SHANK2: variants seen among roughly 807,000 people sequenced by gnomAD.
SHANK2 encodes SH3 and multiple ankyrin repeat domains protein 2.
SHANK2 carries 43 observed loss-of-function variants against 133.7 expected under a neutral mutation model. That is an observed-to-expected ratio of 0.32 (90% confidence interval 0.25 to 0.41). SHANK2 has a LOEUF of 0.41. Among genes scored for constraint, SHANK2 ranks in the 10% least tolerant of loss-of-function variants. SHANK2 has a pLI of 1.00. For missense variants in SHANK2, 1,994 were observed against 2,235.8 expected (o/e 0.89, Z 2.18); for synonymous variants, 1,017 against 952.8 (o/e 1.07, Z -1.24).
chr11:70,594,449 A>T (rs1247541239), intron 17 of SHANK2, among the ~76,000 whole-genome samples: 5 of 152,204 alleles, frequency 3.3e-5, no homozygotes, highest in Non-Finnish European at 7.3e-5. Context: ...TGGGTTCTGC[A>T]TTCCACGAAT....
chr11:70,726,920 T>A (rs781997824), intron 14 of SHANK2, among the ~76,000 whole-genome samples: 1 of 152,242 alleles, frequency 6.6e-6, no homozygotes, highest in African/African-American at 2.4e-5. Context: ...GAGACCCAGA[T>A]GCCCTGGTCA....
At chr11:70,477,315 C>T (rs1348259541) in intron 25 of SHANK2, 1 of 152,262 alleles carries the variant, frequency 6.6e-6, no homozygotes, top group African/African-American at 2.4e-5. Context: ...GGGGCAGACC[C>T]TGGCTGAAAG....
intron 17 of SHANK2, chr11:70,570,790 CG>C: frequency 6.6e-6 from 1 of 152,324 alleles, no homozygotes; most frequent in South Asian, 2.1e-4. Context: ...CACTCACACC[CG>C]GGGCCCACAC....
intron 10 of SHANK2, among the ~76,000 whole-genome samples, chr11:70,907,416 G>A (rs1950123328): frequency 6.6e-6 from 1 of 152,188 alleles, no homozygotes; most frequent in Non-Finnish European, 1.5e-5. Flanking sequence ...TTGGACGTTG[G>A]ACAGCCCCAG....
intron 2 of SHANK2, among the ~76,000 whole-genome samples, chr11:71,153,304 G>C (rs1395422438): frequency 1.4e-5 from 2 of 140,358 alleles, no homozygotes; most frequent in African/African-American, 5.1e-5. Context: ...GGGGGCGGGG[G>C]AGAGGCCATA....
chr11:70,581,354 G>GTTT (rs56252459), intron 17 of SHANK2, among the ~76,000 whole-genome samples: 1 of 149,924 alleles, frequency 6.7e-6, no homozygotes, highest in Non-Finnish European at 1.5e-5. Context: ...TTTTGTTACT[G>GTTT]TTTTTTTTTT....
At chr11:70,700,198 AC>A (rs1555023287) in intron 14 of SHANK2, among the ~76,000 whole-genome samples, 1 of 152,112 alleles carries the variant, frequency 6.6e-6, no homozygotes, top group African/African-American at 2.4e-5. Context: ...ACAAAACACA[AC>A]AGGACTCCCC....
chr11:70,824,815 C>A (rs1452165915), intron 11 of SHANK2, among the ~76,000 whole-genome samples: 3 of 152,108 alleles, frequency 2.0e-5, no homozygotes, highest in African/African-American at 7.2e-5. Context: ...GGGGGCTGGG[C>A]GGGTGGATTA....
chr11:70,665,281 C>T (rs188622924), intron 15 of SHANK2, among the ~76,000 whole-genome samples: 205 of 152,306 alleles, frequency 1.3e-3, no homozygotes, highest in African/African-American at 4.7e-3. Context: ...GCTGGGACTA[C>T]AGGCACACAC....
At chr11:71,071,433 C>T (rs1397253570) in intron 9 of SHANK2, among the ~76,000 whole-genome samples, 2 of 152,322 alleles carry the variant, frequency 1.3e-5, no homozygotes, top group African/African-American at 4.8e-5. Flanking sequence ...GCGGCTTATG[C>T]CTCTGATGAT....
At chr11:70,688,334 A>T (rs1945203073) in intron 15 of SHANK2, among the ~76,000 whole-genome samples, 1 of 152,186 alleles carries the variant, frequency 6.6e-6, no homozygotes, top group Admixed American at 6.5e-5. Context: ...CAAGGTCCAA[A>T]GTCCCCAAGT....
chr11:71,218,894 C>G (rs1404443985), intron 2 of SHANK2, among the ~76,000 whole-genome samples: 1 of 152,216 alleles, frequency 6.6e-6, no homozygotes, highest in Non-Finnish European at 1.5e-5. Flanking sequence ...CCTCCCTCTT[C>G]TGCAGCCCCC....
chr11:71,145,327 C>T (rs1337647066), intron 3 of SHANK2, among the ~76,000 whole-genome samples: 2 of 152,224 alleles, frequency 1.3e-5, no homozygotes, highest in African/African-American at 4.8e-5. Flanking sequence ...TGCATAAAAA[C>T]CCCTCAGAAT....
At chr11:70,886,723 C>T (rs1461874350) in intron 11 of SHANK2, among the ~76,000 whole-genome samples, 2 of 145,098 alleles carry the variant, frequency 1.4e-5, no homozygotes, top group East Asian at 2.0e-4. Context: ...ACACACACAC[C>T]CCTAACATAT....
intron 17 of SHANK2, among the ~76,000 whole-genome samples, chr11:70,611,316 C>T (rs1554994099): frequency 1.3e-5 from 2 of 152,252 alleles, no homozygotes; most frequent in African/African-American, 4.8e-5. Flanking sequence ...GCCTTGTTCT[C>T]TGTGGGGATG....
intron 11 of SHANK2, among the ~76,000 whole-genome samples, chr11:70,874,674 T>TTA (rs1555070851): frequency 8.8e-6 from 1 of 114,220 alleles, no homozygotes; most frequent in Non-Finnish European, 1.7e-5. Context: ...CTGCATTTAC[T>TTA]AAAAAAAAAA....
At chr11:71,061,719 C>A (rs919829245) in intron 9 of SHANK2, among the ~76,000 whole-genome samples, 69,332 of 151,922 alleles carry the variant, frequency 0.46, 15,965 homozygotes, top group African/African-American at 0.49. Context: ...TCACCGGGAA[C>A]CTGGGAATGG....
intron 21 of SHANK2, among the ~76,000 whole-genome samples, chr11:70,498,110 G>A (rs515037): frequency 0.97 from 148,059 of 152,342 alleles, 72,104 homozygotes; most frequent in East Asian, 1. Context: ...CTCTGGCATG[G>A]TCCAGGGACC....
chr11:70,700,696 T>C (rs1945498936), intron 14 of SHANK2, among the ~76,000 whole-genome samples: 1 of 152,178 alleles, frequency 6.6e-6, no homozygotes, highest in Non-Finnish European at 1.5e-5. Flanking sequence ...GAAGTCTGCC[T>C]GGCAGCCAGG....
Sources: gnomAD v4.1 joint callset for allele counts (sites outside exome capture counted in the v4.1 genomes callset) on GRCh38, gnomAD v4.1.1 for gene constraint, MANE v1.5 for transcripts, NCBI Gene and HGNC (gene_info 2026-07-23, HGNC 2026-07-21) for gene names.